Variants in NRP2 observed in about 807,000 individuals in gnomAD.
NRP2 encodes the protein neuropilin 2.
NRP2 carries 52 observed loss-of-function variants against 110.4 expected under a neutral mutation model. That is an observed-to-expected ratio of 0.47 (90% CI 0.38 to 0.59). NRP2 has a LOEUF of 0.59. NRP2 is among the 20% of genes least tolerant of loss of function. The probability of loss-of-function intolerance (pLI) is 0.00; values close to 1 mark genes in which losing one functional copy is unlikely to be tolerated. For synonymous variants in NRP2, 508 were observed against 468.9 expected, an observed-to-expected ratio of 1.08 and a Z score of -1.08; for missense variants, 1,049 against 1,203.0, an observed-to-expected ratio of 0.87 and a Z score of 1.89.
intron 7 of NRP2, among the ~76,000 whole-genome samples, chr2:205,736,540 G>A (rs897945687): frequency 6.6e-6 from 1 of 152,076 alleles, no homozygotes; most frequent in Non-Finnish European, 1.5e-5. Flanking sequence ...GTGGCTTTTG[G>A]AACTTAAACT....
chr2:205,723,144 C>A (rs1428420841), intron 4 of NRP2, among the ~76,000 whole-genome samples: 1 of 152,144 alleles, frequency 6.6e-6, no homozygotes, highest in Non-Finnish European at 1.5e-5. Flanking sequence ...GTTAAGTTAG[C>A]TGCTATCATC....
chr2:205,770,582 C>T (rs1327218335), intron 15 of NRP2, among the ~76,000 whole-genome samples: 7 of 152,208 alleles, frequency 4.6e-5, no homozygotes, highest in East Asian at 3.9e-4. Flanking sequence ...GGCCTGGCCT[C>T]ACATTCCCTT....
chr2:205,695,821 C>T (rs1339540139), intron 1 of NRP2, among the ~76,000 whole-genome samples: 1 of 152,164 alleles, frequency 6.6e-6, no homozygotes, highest in Non-Finnish European at 1.5e-5. Context: ...GGCTAGATGA[C>T]ATTAGGTTCC....
chr2:205,682,776 G>A lies in NRP2; in HGVS notation c.-515G>A. 6.2e-6 allele frequency: 1 copy of A among 160,682 alleles called. No homozygotes were observed. The highest frequency in any genetic ancestry group is 6.1e-5 in the Admixed American group (1 of 16,410). The allele number at this position is 160,682 out of a possible 1,614,324, so 10.0% of individuals were successfully genotyped here. Reference sequence around the variant, plus strand: ...AACCCGGCGAGGACAAGAGCAGGGCGGCCGCCTTCCACTCGGGCTGTCCGG... The same window carrying A: ...AACCCGGCGAGGACAAGAGCAGGGCAGCCGCCTTCCACTCGGGCTGTCCGG... On this transcript the variant is annotated 5_prime_UTR_variant, in exon 1 of 17. Transcript: ENST00000357785. The surrounding 1 kb of genome is among the most constrained non-coding windows in gnomAD (Gnocchi z 4.3).
At chr2:205,778,350 C>A (rs1337253482) in intron 15 of NRP2, 2 of 151,980 alleles carry the variant, frequency 1.3e-5, no homozygotes, top group Non-Finnish European at 2.9e-5. Flanking sequence ...GAACGGTGCT[C>A]TCCCACTCTT....
intron 5 of NRP2, 88 bp downstream of exon 5, chr2:205,724,028 G>T: frequency 1.4e-6 from 2 of 1,428,372 alleles, no homozygotes; most frequent in South Asian, 1.2e-5. Context: ...CTCTTATGAG[G>T]GAGGAGATGG....
intron 15 of NRP2, chr2:205,776,671 C>A: frequency 1.9e-6 from 3 of 1,544,926 alleles, no homozygotes; most frequent in Non-Finnish European, 2.6e-6. Flanking sequence ...GCACTCTTAT[C>A]AATCCCAACC....
intron 7 of NRP2, 146 bp downstream of exon 7, chr2:205,728,192 T>A: frequency 2.1e-6 from 2 of 946,008 alleles, no homozygotes; most frequent in Non-Finnish European, 3.3e-6. Context: ...CGTGCTGGCC[T>A]TGAAAATCTT....
In NRP2 at chr2:205,722,693, G is replaced by C. The variant is rs1480809144; in HGVS notation, c.649G>C (p.Asp217His). The C allele has an allele frequency of 6.2e-7, 1 of 1,614,026 alleles. No homozygotes were observed. Among genetic ancestry groups the C allele is most frequent in the South Asian group, 1.1e-5 (1 of 91,080 alleles). ...CAAGTACGATTGGCTGGACATCTGG[G>C]ATGGCATTCCACATGGTGAGTGATG... ...DCKYDWLDIW[D>H]GIPHVGPLIG... The change falls in exon 4 of 17, where the codon GAT becomes CAT. Residue 217 changes from aspartate (D) to histidine (H), a missense_variant. Coordinates refer to ENST00000357785, the MANE Select transcript of NRP2 (RefSeq NM_003872.3).
chr2:205,730,488 T>G (rs75300153), intron 7 of NRP2, among the ~76,000 whole-genome samples: 4,340 of 152,160 alleles, frequency 0.029, 143 homozygotes, highest in African/African-American at 0.083. Flanking sequence ...TGGTGCTAAG[T>G]GGTGGGCTTG....
intron 1 of NRP2, among the ~76,000 whole-genome samples, chr2:205,685,456 G>C (rs2056126758): frequency 6.6e-6 from 1 of 152,206 alleles, no homozygotes; most frequent in Non-Finnish European, 1.5e-5. Context: ...CGGGAAGGGG[G>C]CCTGGTTCAG....
At chr2:205,758,309 G>A (rs1394571768) in intron 12 of NRP2, among the ~76,000 whole-genome samples, 1 of 152,188 alleles carries the variant, frequency 6.6e-6, no homozygotes, top group Non-Finnish European at 1.5e-5. Flanking sequence ...TGCTAGCCAG[G>A]AGATGTGCGT....
intron 2 of NRP2, chr2:205,701,131 G>A (rs551314889): frequency 6.1e-6 from 1 of 163,012 alleles, no homozygotes; most frequent in Non-Finnish European, 1.3e-5. Context: ...TAAAATGTAT[G>A]TATTTTTAAA....
At chr2:205,768,312 C>G (rs1559358785) in intron 15 of NRP2, 1 of 152,182 alleles carries the variant, frequency 6.6e-6, no homozygotes, top group African/African-American at 2.4e-5. Flanking sequence ...CAGTCGAATT[C>G]GAGTTCTAAC....
At chr2:205,732,602 C>T (rs762861916) in intron 7 of NRP2, among the ~76,000 whole-genome samples, 23 of 152,138 alleles carry the variant, frequency 1.5e-4, no homozygotes, top group Non-Finnish European at 2.9e-4. Flanking sequence ...AGGCTCTCCG[C>T]GGATATAATT....
At chr2:205,782,236 CA>C (rs969602205) in intron 15 of NRP2, among the ~76,000 whole-genome samples, 1 of 152,024 alleles carries the variant, frequency 6.6e-6, no homozygotes, top group Non-Finnish European at 1.5e-5. Flanking sequence ...CTGAGAGCCC[CA>C]AAAAGCTAAA....
intron 3 of NRP2, among the ~76,000 whole-genome samples, chr2:205,718,767 C>A (rs2056952626): frequency 6.6e-6 from 1 of 151,966 alleles, no homozygotes; most frequent in Non-Finnish European, 1.5e-5. Flanking sequence ...CATGGCGAAA[C>A]CTGGTCTCTA....
chr2:205,683,139 G>A lies in NRP2; in HGVS notation c.-152G>A. 1.6e-6 allele frequency: 1 copy of A among 643,382 alleles called. No individual in the cohort carries two copies. 39.9% of individuals were successfully genotyped at this position (643,382 alleles called of 1,614,324 possible). The stretch of plus-strand genomic sequence containing the variant: ...TGGAAATTCCAGCAAGAATAGAGGT[G>A]AAGACAAGCCACCAGGACTCAGGAG... On this transcript the variant is annotated 5_prime_UTR_variant, in exon 1 of 17. Transcript: ENST00000357785.
At chr2:205,768,216 G>C (rs1176940592) in intron 15 of NRP2, 1 of 152,182 alleles carries the variant, frequency 6.6e-6, no homozygotes, top group Non-Finnish European at 1.5e-5. Context: ...TGCATACACT[G>C]GTGCTCTCTG....
Sources: allele counts gnomAD v4.1 joint callset (sites outside exome capture counted in the v4.1 genomes callset), GRCh38; gene constraint gnomAD v4.1.1; non-coding constraint Gnocchi (gnomAD v3.1); transcripts MANE v1.5; gene names NCBI Gene and HGNC (gene_info 2026-07-23, HGNC 2026-07-21).